Variants in OR56A3 observed in about 807,000 individuals in gnomAD.
The protein encoded by OR56A3 is olfactory receptor 56A3.
A neutral mutation model predicts 17.5 loss-of-function variants in OR56A3; 23 were observed. The observed-to-expected ratio is 1.32, with a 90% CI of 0.95 to 1.87. The LOEUF (loss-of-function observed/expected upper bound fraction) is 1.87. Among genes scored for constraint, OR56A3 ranks in the 40% most tolerant of loss-of-function variants. The pLI, the probability that OR56A3 is intolerant of heterozygous loss-of-function variation, is 0.00. For synonymous variants in OR56A3, 175 were observed against 150.6 expected (o/e 1.16, Z -1.19); for missense variants, 366 against 380.1 (o/e 0.96, Z 0.31).
the OR56A3 span, among the ~76,000 whole-genome samples, chr11:5,974,887 G>C: frequency 6.6e-6 from 1 of 152,234 alleles, no homozygotes. Context: ...TGAGCTTATA[G>C]TAAGCACTAT....
At position 5,948,135 on chromosome 11, in the gene OR56A3, C is replaced by T. The variant is rs754395719; in HGVS notation, c.789C>T (p.Val263=). ...TCAGCACCATCCTTCTGGTTTTTGT[C>T]CTCACACATGTGGCTAAGAAGAAAG... ...LFFSTILLVF[V]LTHVAKKKVS... is the part of the protein sequence containing the mutation. The change falls in exon 3 of 3, where the codon GTC becomes GTT. Residue 263 remains valine, a synonymous_variant. Coordinates refer to ENST00000641160, the MANE Select transcript of OR56A3 (RefSeq NM_001003443.3). The T allele has an allele frequency of 5.0e-6, 8 of 1,614,100 alleles. No homozygotes were observed. In the South Asian group the frequency reaches 8.8e-5, roughly 18 times the overall value.
At chr11:5,942,864 A>C (rs1026729758) in intron 1 of OR56A3, among the ~76,000 whole-genome samples, 1 of 152,256 alleles carries the variant, frequency 6.6e-6, no homozygotes, top group East Asian at 1.9e-4. Flanking sequence ...GAACCCTAGC[A>C]ACTCTTTTAC....
the OR56A3 span, among the ~76,000 whole-genome samples, chr11:5,958,945 C>G: frequency 1.3e-5 from 2 of 152,254 alleles, no homozygotes; most frequent in South Asian, 4.2e-4. Flanking sequence ...TACATGTTGT[C>G]GCAAGTGAGA....
chr11:5,954,250 C>T (rs959587048), downstream of OR56A3, among the ~76,000 whole-genome samples: 1 of 152,198 alleles, frequency 6.6e-6, no homozygotes, highest in Non-Finnish European at 1.5e-5. Context: ...TTTAATTATC[C>T]CAAATCTTGT....
chr11:5,976,759 G>T, the OR56A3 span, among the ~76,000 whole-genome samples: 1 of 151,784 alleles, frequency 6.6e-6, no homozygotes, highest in Non-Finnish European at 1.5e-5. Flanking sequence ...ACATATGCAG[G>T]TTTGTTACAT....
chr11:5,986,398 G>A, the OR56A3 span: 4 of 1,613,946 alleles, frequency 2.5e-6, no homozygotes, highest in Admixed American at 6.7e-5. Flanking sequence ...CAACAAAATG[G>A]GGAAGGGGAT....
At chr11:5,971,467 T>C in the OR56A3 span, among the ~76,000 whole-genome samples, 1 of 152,200 alleles carries the variant, frequency 6.6e-6, no homozygotes, top group Admixed American at 6.5e-5. Flanking sequence ...ATCCATCCTC[T>C]TCAAGTCCTC....
At chr11:6,002,629 C>T in the OR56A3 span, 1 of 1,614,192 alleles carries the variant, frequency 6.2e-7, no homozygotes, top group East Asian at 2.2e-5. Flanking sequence ...CGGTCATAGG[C>T]CATGACCATG....
At chr11:5,967,627 G>T in the OR56A3 span, 1 of 1,614,036 alleles carries the variant, frequency 6.2e-7, no homozygotes, top group Non-Finnish European at 8.5e-7. Context: ...ATGGGGTTCA[G>T]AGCTGGGGGA....
At chr11:6,004,605 C>A in the OR56A3 span, among the ~76,000 whole-genome samples, 4 of 151,994 alleles carry the variant, frequency 2.6e-5, no homozygotes, top group South Asian at 8.3e-4. Context: ...AAAAATTTAC[C>A]CATTGTAGGG....
the OR56A3 span, among the ~76,000 whole-genome samples, chr11:5,975,037 G>T: frequency 9.2e-5 from 14 of 152,222 alleles, no homozygotes; most frequent in African/African-American, 2.9e-4. Flanking sequence ...AAAATATAAA[G>T]TTCTACCTCT....
chr11:5,972,046 T>C, the OR56A3 span, among the ~76,000 whole-genome samples: 1 of 152,254 alleles, frequency 6.6e-6, no homozygotes, highest in African/African-American at 2.4e-5. Flanking sequence ...GCTTTTTCTC[T>C]CATTAACACT....
the OR56A3 span, among the ~76,000 whole-genome samples, chr11:5,980,975 A>G: frequency 6.6e-6 from 1 of 152,088 alleles, no homozygotes; most frequent in South Asian, 2.1e-4. Flanking sequence ...CTTTAAGGAG[A>G]GTGATAATAG....
intron 1 of OR56A3, among the ~76,000 whole-genome samples, chr11:5,944,377 G>T (rs1247205808): frequency 6.6e-6 from 1 of 152,196 alleles, no homozygotes; most frequent in Non-Finnish European, 1.5e-5. Context: ...TGGGAAGCAG[G>T]AGTCGGAGTT....
chr11:5,945,036 G>A lies in OR56A3; in HGVS notation c.-83G>A, dbSNP rs1248580879. On this transcript the variant is annotated 5_prime_UTR_variant, in exon 2 of 3. Coordinates refer to ENST00000641160, the MANE Select transcript of OR56A3 (RefSeq NM_001003443.3). ...GGACTGGAACTGCTTTTGGGGAATA[G>A]GAAAGACAACTGAAAACAAAAAGCC... 5 of 152,140 alleles carry A rather than the reference G, an allele frequency of 3.3e-5. No individual in the cohort carries two copies. The highest frequency in any genetic ancestry group is 7.3e-5 in the Non-Finnish European group (5 of 68,032). The allele number at this position is 152,140 out of a possible 1,614,324, so 9.4% of individuals were successfully genotyped here.
the OR56A3 span, among the ~76,000 whole-genome samples, chr11:5,997,616 A>C: frequency 6.6e-6 from 1 of 152,238 alleles, no homozygotes; most frequent in African/African-American, 2.4e-5. Context: ...ATTAACAGGA[A>C]GAAAATTGAG....
At chr11:5,961,776 C>T in the OR56A3 span, among the ~76,000 whole-genome samples, 6 of 148,272 alleles carry the variant, frequency 4.0e-5, no homozygotes, top group Admixed American at 2.7e-4. Context: ...AAAAAGAAAG[C>T]GATTGCATTG....
the OR56A3 span, among the ~76,000 whole-genome samples, chr11:5,964,627 G>A: frequency 2.0e-5 from 3 of 152,206 alleles, no homozygotes; most frequent in Admixed American, 6.5e-5. Flanking sequence ...TCTGCATGTA[G>A]TTATGGGTTA....
chr11:5,974,933 G>T, the OR56A3 span, among the ~76,000 whole-genome samples: 40,333 of 152,158 alleles, frequency 0.27, 5,624 homozygotes, highest in East Asian at 0.45. Context: ...TATTTTATAT[G>T]AAACTGATTG....
Sources: allele counts gnomAD v4.1 joint callset (sites outside exome capture counted in the v4.1 genomes callset), GRCh38; gene constraint gnomAD v4.1.1; transcripts MANE v1.5; gene names NCBI Gene and HGNC (gene_info 2026-07-23, HGNC 2026-07-21).